TPRG1: variants seen among roughly 807,000 people sequenced by gnomAD.
TPRG1 encodes tumor protein p63 regulated 1.
In TPRG1, 29 loss-of-function variants were observed where a neutral mutation model predicts 29.3. The observed-to-expected ratio is 0.99, with a 90% CI of 0.74 to 1.35. The LOEUF is 1.35. TPRG1 is among the 40% of genes most tolerant of loss of function. The pLI is 0.00. For missense variants in TPRG1, 327 were observed against 335.0 expected (o/e 0.98, Z 0.19); for synonymous variants, 130 against 116.8 (o/e 1.11, Z -0.73).
At chr3:189,005,807 A>G (rs2152121876) in intron 3 of TPRG1, among the ~76,000 whole-genome samples, 1 of 152,228 alleles carries the variant, frequency 6.6e-6, no homozygotes, top group East Asian at 1.9e-4. Flanking sequence ...ACTTCTCAAC[A>G]CAGGTCCATA....
intron 4 of TPRG1, among the ~76,000 whole-genome samples, chr3:189,051,424 C>A (rs1715312968): frequency 6.6e-6 from 1 of 152,060 alleles, no homozygotes. Flanking sequence ...AACTACGAAA[C>A]ACTGCTGAAA....
At chr3:189,312,147 T>TCTC (rs1560689239) in intron 5 of TPRG1, among the ~76,000 whole-genome samples, 1 of 62,120 alleles carries the variant, frequency 1.6e-5, no homozygotes, top group African/African-American at 7.2e-5. Context: ...CTTTCTTTCT[T>TCTC]TCTTTCTTTC....
intron 4 of TPRG1, among the ~76,000 whole-genome samples, chr3:189,239,233 T>C (rs1413230303): frequency 6.6e-6 from 1 of 152,016 alleles, no homozygotes; most frequent in African/African-American, 2.4e-5. Flanking sequence ...TCTCTTCTTA[T>C]ATGGCCGCAG....
At chr3:189,011,862 G>C (rs559502107) in intron 3 of TPRG1, among the ~76,000 whole-genome samples, 1 of 152,278 alleles carries the variant, frequency 6.6e-6, no homozygotes, top group African/African-American at 2.4e-5. Context: ...CTTGTTAGCT[G>C]TATTCCTAGT....
chr3:189,311,154 AG>A (rs1366082882), intron 5 of TPRG1, among the ~76,000 whole-genome samples: 1 of 152,188 alleles, frequency 6.6e-6, no homozygotes, highest in Non-Finnish European at 1.5e-5. Context: ...CACCTCCCCC[AG>A]GCATCTAAAG....
intron 4 of TPRG1, among the ~76,000 whole-genome samples, chr3:189,251,181 G>A (rs1742194427): frequency 6.6e-6 from 1 of 151,278 alleles, no homozygotes; most frequent in African/African-American, 2.4e-5. Flanking sequence ...TGTAACTTCT[G>A]CTTAAGAGGC....
At chr3:189,224,209 A>G (rs1255233036) in intron 3 of TPRG1, among the ~76,000 whole-genome samples, 3 of 152,240 alleles carry the variant, frequency 2.0e-5, no homozygotes. Flanking sequence ...AAGGCCAGGC[A>G]TGGTGGCTTA....
intron 1 of TPRG1, among the ~76,000 whole-genome samples, chr3:189,120,628 A>T (rs1721721838): frequency 6.6e-6 from 1 of 152,224 alleles, no homozygotes; most frequent in African/African-American, 2.4e-5. Flanking sequence ...GGAACATCCA[A>T]CCAGACTTTG....
chr3:189,194,927 C>G (rs1732287557), intron 1 of TPRG1, among the ~76,000 whole-genome samples: 1 of 152,102 alleles, frequency 6.6e-6, no homozygotes, highest in Non-Finnish European at 1.5e-5. Flanking sequence ...GTCTCAGCAG[C>G]TAAGACACCA....
chr3:189,151,832 G>T (rs971913394), intron 5 of TPRG1, among the ~76,000 whole-genome samples: 1 of 152,104 alleles, frequency 6.6e-6, no homozygotes, highest in African/African-American at 2.4e-5. Context: ...AGTGAGCCAA[G>T]ATCACGCCAT....
chr3:189,226,319 C>A (rs191492866), intron 3 of TPRG1, among the ~76,000 whole-genome samples: 9 of 152,232 alleles, frequency 5.9e-5, no homozygotes, highest in African/African-American at 1.9e-4. Flanking sequence ...TAAAATCATA[C>A]AGAGTATGTT....
At chr3:189,250,794 C>T (rs1363454487) in intron 4 of TPRG1, among the ~76,000 whole-genome samples, 1 of 150,650 alleles carries the variant, frequency 6.6e-6, no homozygotes, top group Non-Finnish European at 1.5e-5. Flanking sequence ...AGTACCCACT[C>T]GCTGTAGGTG....
intron 4 of TPRG1, among the ~76,000 whole-genome samples, chr3:189,246,581 A>T (rs939492764): frequency 5.9e-5 from 9 of 152,090 alleles, no homozygotes; most frequent in Non-Finnish European, 1.2e-4. Flanking sequence ...AACATGTATG[A>T]TATTCTTCAT....
chr3:189,133,746 C>T (rs1246115426), intron 3 of TPRG1, among the ~76,000 whole-genome samples: 1 of 152,178 alleles, frequency 6.6e-6, no homozygotes. Context: ...TCCTCACTTA[C>T]AGCATTCCAT....
intron 1 of TPRG1, among the ~76,000 whole-genome samples, chr3:189,194,897 C>G (rs545076901): frequency 6.6e-6 from 1 of 152,256 alleles, no homozygotes; most frequent in South Asian, 2.1e-4. Flanking sequence ...GTGATGACTT[C>G]ACTCCCCAGG....
chr3:189,303,048 G>A (rs1721081847), intron 4 of TPRG1, among the ~76,000 whole-genome samples: 1 of 152,122 alleles, frequency 6.6e-6, no homozygotes, highest in African/African-American at 2.4e-5. Context: ...ATATACAACA[G>A]CTGGCTTTCA....
chr3:189,235,996 C>T lies in TPRG1; in HGVS notation c.303-2737C>T, dbSNP rs140398616. The stretch of plus-strand genomic sequence containing the variant: ...TTTATTCCTATATTTGTTGTTATTG[C>T]CACTTAAAGCTCAATGCTATTAATG... On this transcript the variant is annotated intron_variant, in intron 3 of 5. Transcript: ENST00000345063. Among the ~76,000 whole-genome samples, 14 of 152,244 alleles carry T rather than the reference C, an allele frequency of 9.2e-5. No homozygotes were observed. The East Asian group carries it at 2.5e-3, about 27-fold the overall frequency.
At chr3:189,132,009 T>C (rs906573387) in intron 2 of TPRG1, among the ~76,000 whole-genome samples, 3 of 152,214 alleles carry the variant, frequency 2.0e-5, no homozygotes, top group African/African-American at 7.2e-5. Context: ...AGTTTCTCCA[T>C]GTGAAAAATG....
At chr3:189,197,508 T>C (rs1356951999) in intron 1 of TPRG1, among the ~76,000 whole-genome samples, 2 of 152,184 alleles carry the variant, frequency 1.3e-5, no homozygotes, top group African/African-American at 4.8e-5. Flanking sequence ...GTCTTCAGGG[T>C]CAGGCCAGTT....
Sources: gnomAD v4.1 joint callset for allele counts (sites outside exome capture counted in the v4.1 genomes callset) on GRCh38, gnomAD v4.1.1 for gene constraint, MANE v1.5 for transcripts, NCBI Gene and HGNC (gene_info 2026-07-23, HGNC 2026-07-21) for gene names.